ANGPT2: variants seen among roughly 807,000 people sequenced by gnomAD.
The protein encoded by ANGPT2 is angiopoietin-2.
ANGPT2 carries 28 observed loss-of-function variants against 62.9 expected under a neutral mutation model. The observed-to-expected ratio is 0.44, with a 90% CI of 0.33 to 0.61. ANGPT2 has a LOEUF of 0.61. Among genes scored for constraint, ANGPT2 ranks in the 20% least tolerant of loss-of-function variants. The pLI, the probability that ANGPT2 is intolerant of heterozygous loss-of-function variation, is 0.03. For missense variants in ANGPT2, 727 were observed against 594.9 expected (o/e 1.22, Z -2.31); for synonymous variants, 284 against 207.8 (o/e 1.37, Z -3.15).
At chr8:6,521,871 G>A (rs746848815) in intron 3 of ANGPT2, among the ~76,000 whole-genome samples, 12 of 152,130 alleles carry the variant, frequency 7.9e-5, no homozygotes, top group African/African-American at 1.2e-4. Flanking sequence ...GATAATAATA[G>A]CACTTAATGC....
At chr8:6,521,155 G>T in intron 4 of ANGPT2, 23 bp downstream of exon 4, 1 of 1,595,536 alleles carries the variant, frequency 6.3e-7, no homozygotes, top group South Asian at 1.1e-5. Flanking sequence ...TAACGCTGAA[G>T]AAAGCATGAT....
At chr8:6,514,406 C>T (rs3020218) in intron 6 of ANGPT2, among the ~76,000 whole-genome samples, 1 of 151,940 alleles carries the variant, frequency 6.6e-6, no homozygotes, top group Admixed American at 6.5e-5. Flanking sequence ...GCCAACTGGT[C>T]TCAAACTCCT....
At chr8:6,505,420 C>T (rs1258938075) in intron 8 of ANGPT2, among the ~76,000 whole-genome samples, 677 of 57,410 alleles carry the variant, frequency 0.012, 122 homozygotes, top group African/African-American at 0.039. Context: ...TCTTTATATA[C>T]ATAAAGAATA....
chr8:6,546,782 C>A (rs954915320), intron 1 of ANGPT2, among the ~76,000 whole-genome samples: 1 of 152,194 alleles, frequency 6.6e-6, no homozygotes, highest in African/African-American at 2.4e-5. Context: ...TCCTCCCCTT[C>A]CCCCAATCCA....
chr8:6,533,996 C>T (rs1040485204), intron 1 of ANGPT2, among the ~76,000 whole-genome samples: 8 of 152,042 alleles, frequency 5.3e-5, no homozygotes, highest in African/African-American at 1.9e-4. Context: ...TTCCTGTTTC[C>T]GATGCCCCCT....
rs1326966286 is a variant in ANGPT2, at chr8:6,499,744, G to A, written c.*3357C>T. ...GTTGTCTGAGAACACATCTATTTCA[G>A]ATCTGCGGAGTGTATCACTTTTTGC... On this transcript the variant is annotated 3_prime_UTR_variant, in exon 9 of 9. Transcript: ENST00000629816. 5.6e-6 allele frequency: 5 copies of A among 888,404 alleles called. No homozygotes were observed. The highest frequency in any genetic ancestry group is 9.4e-6 in the Non-Finnish European group (5 of 529,292). The allele number at this position is 888,404 out of a possible 1,614,324, so 55.0% of individuals were successfully genotyped here. A position where few individuals can be genotyped will look rare whatever the true frequency, so the allele number is the denominator to read the frequency against.
chr8:6,533,379 G>C (rs1215847086), intron 1 of ANGPT2, among the ~76,000 whole-genome samples: 1 of 152,190 alleles, frequency 6.6e-6, no homozygotes, highest in Non-Finnish European at 1.5e-5. Flanking sequence ...CTTTGGGCTT[G>C]GAGCCAGGGA....
At chr8:6,506,802 C>CTTTTT in intron 8 of ANGPT2, among the ~76,000 whole-genome samples, 1 of 149,262 alleles carries the variant, frequency 6.7e-6, no homozygotes, top group Non-Finnish European at 1.5e-5. Context: ...TTAATGAGGC[C>CTTTTT]TGATTCTTTC....
At chr8:6,558,517 C>A (rs1019961717) in intron 1 of ANGPT2, among the ~76,000 whole-genome samples, 2 of 152,146 alleles carry the variant, frequency 1.3e-5, no homozygotes, top group Non-Finnish European at 2.9e-5. Context: ...GACCATTATC[C>A]TTCTCAAGTT....
At chr8:6,540,811 G>A (rs1033752894) in intron 1 of ANGPT2, among the ~76,000 whole-genome samples, 18 of 152,282 alleles carry the variant, frequency 1.2e-4, no homozygotes, top group African/African-American at 4.3e-4. Context: ...TGCCGAACAG[G>A]CGCGGGAGGC....
At chr8:6,513,335 CTTT>C (rs1189719867) in intron 7 of ANGPT2, among the ~76,000 whole-genome samples, 1 of 143,222 alleles carries the variant, frequency 7.0e-6, no homozygotes. Context: ...TTTTCTTTTT[CTTT>C]TTTTTTTTTT....
At chr8:6,511,990 C>A (rs912384391) in intron 7 of ANGPT2, among the ~76,000 whole-genome samples, 1 of 151,502 alleles carries the variant, frequency 6.6e-6, no homozygotes, top group African/African-American at 2.4e-5. Context: ...ACTGACCAAC[C>A]ACTTGTGTCT....
chr8:6,550,103 A>G (rs1401581058), intron 1 of ANGPT2, among the ~76,000 whole-genome samples: 1 of 152,214 alleles, frequency 6.6e-6, no homozygotes, highest in Non-Finnish European at 1.5e-5. Context: ...CTTCAAAAGA[A>G]TTACATTTCA....
intron 3 of ANGPT2, among the ~76,000 whole-genome samples, chr8:6,522,381 G>C (rs1038620278): frequency 1.4e-4 from 21 of 151,200 alleles, no homozygotes; most frequent in African/African-American, 5.1e-4. Context: ...AAATGTAAAC[G>C]CTTAGACTAG....
intron 1 of ANGPT2, among the ~76,000 whole-genome samples, chr8:6,542,674 T>C (rs906945838): frequency 6.6e-6 from 1 of 152,290 alleles, no homozygotes; most frequent in Middle Eastern, 3.4e-3. Flanking sequence ...ATAAAGATAC[T>C]GATGGCCTTT....
chr8:6,560,407 T>A (rs1401572885), intron 1 of ANGPT2, among the ~76,000 whole-genome samples: 1 of 152,186 alleles, frequency 6.6e-6, no homozygotes, highest in African/African-American at 2.4e-5. Flanking sequence ...GTGTTTATTA[T>A]CACAGGTGAC....
chr8:6,519,940 G>C lies in ANGPT2; in HGVS notation c.851C>G (p.Ala284Gly). The C allele has an allele frequency of 6.2e-7, 1 of 1,614,094 alleles. No homozygotes were observed. Among genetic ancestry groups the C allele is most frequent in the South Asian group, 1.1e-5 (1 of 91,062 alleles). ...KEEQISFRDC[A>G]EVFKSGHTTN... Reference sequence around the variant, plus strand: ...GGTGTGTCCTGATTTGAATACTTCAGCACAGTCTCTGAAGCTGATTTGTTC... The same window carrying C: ...GGTGTGTCCTGATTTGAATACTTCACCACAGTCTCTGAAGCTGATTTGTTC... The change falls in exon 5 of 9, where the codon GCT (alanine) becomes GGT (glycine). Residue 284 changes from alanine to glycine, a missense_variant. By Grantham distance (60) the Ala-to-Gly change is moderately conservative. Coordinates refer to ENST00000629816, the MANE Select transcript of ANGPT2 (RefSeq NM_001118887.2).
Position 6,500,001 on chromosome 8 carries a change from T to G in ANGPT2, c.*3100A>C, listed in dbSNP as rs1811839279. ...CAAGAAATTATTATAAACATAAGGGTGGACTTAAGTTTTTATCCAGTCAAG... is the reference window on the plus strand; with the variant it reads ...CAAGAAATTATTATAAACATAAGGGGGGACTTAAGTTTTTATCCAGTCAAG... On this transcript the variant is annotated 3_prime_UTR_variant, in exon 9 of 9. Coordinates refer to ENST00000629816, the MANE Select transcript of ANGPT2 (RefSeq NM_001118887.2). 6.0e-6 allele frequency: 8 copies of G among 1,327,970 alleles called. No homozygotes were observed. In the South Asian group the frequency reaches 9.4e-5, roughly 16 times the overall value. 82.3% of individuals were successfully genotyped at this position (1,327,970 alleles called of 1,614,324 possible). A position where few individuals can be genotyped will look rare whatever the true frequency, so the allele number is the denominator to read the frequency against.
chr8:6,513,789 A>G lies in ANGPT2; in HGVS notation c.1085T>C (p.Leu362Pro). The G allele has an allele frequency of 6.2e-7, 1 of 1,614,072 alleles. No homozygotes were observed. Among genetic ancestry groups the G allele is most frequent in the Non-Finnish European group, 8.5e-7 (1 of 1,179,994 alleles). Residue 362 changes from leucine (L) to proline (P), a missense_variant, in exon 7 of 9, where the codon CTG (leucine) becomes CCG (proline). Transcript: ENST00000629816. ...YWLGNEFVSQ[L>P]TNQQRYVLKI... is the part of the protein sequence containing the mutation. Reference sequence around the variant, plus strand: ...AAGCACATAGCGTTGCTGATTAGTCAGTTGCGAAACAAACTCATTTCCCAG... The same window carrying G: ...AAGCACATAGCGTTGCTGATTAGTCGGTTGCGAAACAAACTCATTTCCCAG...
Sources: gnomAD v4.1 joint callset for allele counts (sites outside exome capture counted in the v4.1 genomes callset) on GRCh38, gnomAD v4.1.1 for gene constraint, MANE v1.5 for transcripts, NCBI Gene and HGNC (gene_info 2026-07-23, HGNC 2026-07-21) for gene names.